Variants in SMCO4 observed in about 807,000 individuals in gnomAD.
SMCO4 encodes single-pass membrane protein with coiled-coil domains 4.
SMCO4 carries 4 observed loss-of-function variants against 3.6 expected under a neutral mutation model. That is an observed-to-expected ratio of 1.11 (90% CI 0.54 to 2.53). The LOEUF (loss-of-function observed/expected upper bound fraction) is 2.53, where lower values mean the gene tolerates loss of function less well. Ranked by LOEUF, SMCO4 falls within the 30% of genes most tolerant of loss-of-function variation. The probability of loss-of-function intolerance (pLI) is 0.02; values close to 1 mark genes in which losing one functional copy is unlikely to be tolerated. For missense variants in SMCO4, 70 were observed against 80.8 expected, an observed-to-expected ratio of 0.87 and a Z score of 0.51; for synonymous variants, 36 against 35.3, an observed-to-expected ratio of 1.02 and a Z score of -0.07.
chr11:93,525,870 G>A (rs1272351137), intron 1 of SMCO4, among the ~76,000 whole-genome samples: 1 of 152,204 alleles, frequency 6.6e-6, no homozygotes, highest in Admixed American at 6.5e-5. Flanking sequence ...CACTGCAACA[G>A]TGATGACTCA....
At chr11:93,535,858 G>A (rs894382423) in intron 1 of SMCO4, 147 of 1,604,940 alleles carry the variant, frequency 9.2e-5, no homozygotes, top group Non-Finnish European at 1.1e-4. Context: ...ATTAACCACT[G>A]AATTGCTATT....
intron 1 of SMCO4, among the ~76,000 whole-genome samples, chr11:93,509,403 T>C (rs1275941056): frequency 1.3e-5 from 2 of 152,082 alleles, no homozygotes; most frequent in East Asian, 1.9e-4. Flanking sequence ...TGGAAAACAG[T>C]GTGGAGATTC....
chr11:93,479,154 G>T lies in SMCO4; in HGVS notation c.36C>A (p.Thr12=). The change falls in exon 3 of 3, where the codon ACC becomes ACA. Residue 12 remains threonine (T), a synonymous_variant. Coordinates refer to ENST00000298966, the MANE Select transcript of SMCO4 (RefSeq NM_020179.3). ...RQLKGKPKKE[T]SKDKKERKQA... ...GCTTCCGCTCCTTCTTGTCCTTGGA[G>T]GTCTCCTTCTTGGGCTTCCCTTTGA... 6.2e-7 allele frequency: 1 copy of T among 1,614,072 alleles called. No homozygotes were observed. Among genetic ancestry groups the T allele is most frequent in the Non-Finnish European group, 8.5e-7 (1 of 1,180,030 alleles).
chr11:93,509,127 C>CA lies in SMCO4; in HGVS notation c.-153-9780dup, dbSNP rs59961622. ...CAACATGGTGAAACCCTGTCTCTAC[C>CA]AAAAAAAAAAAAAGTTAGCTGGGCA... On this transcript the variant is annotated intron_variant, in intron 1 of 2. Transcript: ENST00000298966. Among the ~76,000 whole-genome samples, 1,288 of 138,504 alleles carry CA rather than the reference C, an allele frequency of 9.3e-3. 24 individuals are homozygous for CA. The highest frequency in any genetic ancestry group is 0.092 in the East Asian group (444 of 4,850). 90.9% of individuals were successfully genotyped at this position (138,504 alleles called of 152,430 possible).
At chr11:93,518,771 CA>C (rs984921832) in intron 1 of SMCO4, among the ~76,000 whole-genome samples, 1 of 152,056 alleles carries the variant, frequency 6.6e-6, no homozygotes, top group Admixed American at 6.6e-5. Context: ...ATATTTTTAA[CA>C]AAAAAATCAC....
intron 1 of SMCO4, among the ~76,000 whole-genome samples, chr11:93,514,413 T>TATATATATATATATATAC (rs781423008): frequency 2.9e-5 from 1 of 33,950 alleles, no homozygotes; most frequent in Non-Finnish European, 7.1e-5. Flanking sequence ...TATATATATA[T>TATATATATATATATATAC]ATATATATAA....
At chr11:93,482,829 C>T (rs76986922) in intron 2 of SMCO4, among the ~76,000 whole-genome samples, 4,509 of 152,280 alleles carry the variant, frequency 0.03, 233 homozygotes, top group African/African-American at 0.1. Flanking sequence ...CATGCCAGCA[C>T]GCCAAACAGC....
chr11:93,492,922 A>G (rs1349239172), intron 2 of SMCO4, among the ~76,000 whole-genome samples: 3 of 152,226 alleles, frequency 2.0e-5, no homozygotes, highest in African/African-American at 7.2e-5. Context: ...CAGTAAGCTA[A>G]GCTGCTATCA....
At chr11:93,487,086 G>A (rs1948659032) in intron 2 of SMCO4, among the ~76,000 whole-genome samples, 3 of 152,168 alleles carry the variant, frequency 2.0e-5, no homozygotes, top group Admixed American at 1.3e-4. Flanking sequence ...TAAGCCCAGG[G>A]AAGCTGCCCT....
At chr11:93,481,644 T>G (rs984490561) in intron 2 of SMCO4, 1 of 370,238 alleles carries the variant, frequency 2.7e-6, no homozygotes, top group African/African-American at 2.2e-5. Context: ...GTCACCCAGT[T>G]TGTAAATACC....
At chr11:93,551,926 G>A in the SMCO4 span, among the ~76,000 whole-genome samples, 20 of 152,100 alleles carry the variant, frequency 1.3e-4, no homozygotes, top group Non-Finnish European at 2.5e-4. Flanking sequence ...ATCTGGTATC[G>A]CTTTGATTGA....
intron 1 of SMCO4, among the ~76,000 whole-genome samples, chr11:93,537,669 T>C (rs144804459): frequency 6.6e-6 from 1 of 152,032 alleles, no homozygotes; most frequent in East Asian, 1.9e-4. Flanking sequence ...AATGCTCTTC[T>C]CCCATTAAAA....
chr11:93,522,225 T>G (rs1394112652), intron 1 of SMCO4, among the ~76,000 whole-genome samples: 3 of 152,174 alleles, frequency 2.0e-5, no homozygotes, highest in African/African-American at 4.8e-5. Context: ...ATCCGATCTG[T>G]GAAGGGTATA....
the SMCO4 span, among the ~76,000 whole-genome samples, chr11:93,552,138 A>G: frequency 6.7e-6 from 1 of 149,572 alleles, no homozygotes; most frequent in Non-Finnish European, 1.5e-5. Context: ...AAAAAAAGTC[A>G]GTACTCATCA....
intron 2 of SMCO4, among the ~76,000 whole-genome samples, chr11:93,497,564 C>T (rs1807789507): frequency 6.6e-6 from 1 of 152,082 alleles, no homozygotes; most frequent in South Asian, 2.1e-4. Flanking sequence ...GTCAAGACTC[C>T]CCTCCCTCAA....
Position 93,479,090 on chromosome 11 carries a change from C to T in SMCO4, c.100G>A (p.Val34Met). The T allele has an allele frequency of 6.2e-7, 1 of 1,614,092 alleles. No individual in the cohort carries two copies. The highest frequency in any genetic ancestry group is 8.5e-7 in the Non-Finnish European group (1 of 1,180,040). ...ACGACCACGGCCAGCGTGGGCAGCA[C>T]CACTGTAGTGATCTGCTGCCGGGCC... is the stretch of plus-strand genomic sequence containing the variant. ...QEARQQITTV[V>M]LPTLAVVVLL... Residue 34 changes from valine to methionine, a missense_variant, in exon 3 of 3, where the codon GTG (valine) becomes ATG (methionine). Coordinates refer to ENST00000298966, the MANE Select transcript of SMCO4 (RefSeq NM_020179.3).
intron 1 of SMCO4, among the ~76,000 whole-genome samples, chr11:93,530,673 C>G (rs2134630714): frequency 6.6e-6 from 1 of 152,262 alleles, no homozygotes; most frequent in South Asian, 2.1e-4. Flanking sequence ...CTTTCCTCCC[C>G]TGACACAATG....
intron 1 of SMCO4, among the ~76,000 whole-genome samples, chr11:93,520,536 T>A (rs1447955649): frequency 6.6e-6 from 1 of 152,206 alleles, no homozygotes; most frequent in African/African-American, 2.4e-5. Context: ...CTCTTGACCA[T>A]TATACTTAAC....
chr11:93,527,010 A>G (rs1949114390), intron 1 of SMCO4, among the ~76,000 whole-genome samples: 1 of 152,170 alleles, frequency 6.6e-6, no homozygotes, highest in African/African-American at 2.4e-5. Context: ...CTCTCAGTAC[A>G]GCAGCCCACT....
Sources: gnomAD v4.1 joint callset for allele counts (sites outside exome capture counted in the v4.1 genomes callset) on GRCh38, gnomAD v4.1.1 for gene constraint, MANE v1.5 for transcripts, NCBI Gene and HGNC (gene_info 2026-07-23, HGNC 2026-07-21) for gene names.